The following NPAS3 variants were observed in gnomAD, a reference collection of about 807,000 sequenced individuals.
NPAS3 encodes the protein neuronal PAS domain-containing protein 3.
A neutral mutation model predicts 73.1 loss-of-function variants in NPAS3; 14 were observed. That is an observed-to-expected ratio of 0.19 (90% CI 0.13 to 0.30). NPAS3 has a LOEUF of 0.30. NPAS3 is among the 10% of genes least tolerant of loss of function. The pLI is 1.00. For missense variants in NPAS3, 1,096 were observed against 1,250.0 expected, an observed-to-expected ratio of 0.88 and a Z score of 1.86; for synonymous variants, 620 against 541.5, an observed-to-expected ratio of 1.14 and a Z score of -2.01.
At chr14:33,433,956 C>T (rs1386077203) in intron 4 of NPAS3, among the ~76,000 whole-genome samples, 2 of 152,022 alleles carry the variant, frequency 1.3e-5, no homozygotes, top group African/African-American at 2.4e-5. Flanking sequence ...TTTAGGAGGC[C>T]GAGGTGGGCG....
chr14:33,693,538 A>G (rs2060291603), intron 6 of NPAS3, among the ~76,000 whole-genome samples: 1 of 152,162 alleles, frequency 6.6e-6, no homozygotes, highest in South Asian at 2.1e-4. Flanking sequence ...AGTCAACCTT[A>G]TTGTACTAGG....
chr14:33,444,501 C>T (rs901405781), intron 4 of NPAS3, among the ~76,000 whole-genome samples: 2 of 152,150 alleles, frequency 1.3e-5, no homozygotes, highest in Non-Finnish European at 2.9e-5. Flanking sequence ...TGAATTAAGG[C>T]CAGTAACTAA....
chr14:33,313,758 G>T (rs1187598587), intron 3 of NPAS3, among the ~76,000 whole-genome samples: 1 of 152,052 alleles, frequency 6.6e-6, no homozygotes, highest in Non-Finnish European at 1.5e-5. Flanking sequence ...CTTAAGTAAT[G>T]ATTGGTTACC....
intron 9 of NPAS3, among the ~76,000 whole-genome samples, chr14:33,788,344 C>T (rs2063242926): frequency 6.6e-6 from 1 of 152,212 alleles, no homozygotes; most frequent in Non-Finnish European, 1.5e-5. Context: ...GATAATGAAG[C>T]TCTTTGTTCG....
intron 5 of NPAS3, among the ~76,000 whole-genome samples, chr14:33,643,876 T>C (rs976344065): frequency 6.6e-6 from 1 of 152,106 alleles, no homozygotes; most frequent in Non-Finnish European, 1.5e-5. Flanking sequence ...AACATGCAAA[T>C]TGGGGAGAAG....
chr14:33,194,572 T>A (rs867295793), intron 2 of NPAS3, among the ~76,000 whole-genome samples: 3 of 152,224 alleles, frequency 2.0e-5, no homozygotes, highest in African/African-American at 7.2e-5. Flanking sequence ...GTTGCCTTTT[T>A]CTTAGTATTT....
At chr14:33,182,459 C>T (rs2045830603) in intron 2 of NPAS3, among the ~76,000 whole-genome samples, 1 of 151,724 alleles carries the variant, frequency 6.6e-6, no homozygotes, top group South Asian at 2.1e-4. Context: ...TTATTTTAAC[C>T]CCTAAAACAA....
chr14:33,293,930 A>G (rs1203203912), intron 3 of NPAS3, among the ~76,000 whole-genome samples: 1 of 152,208 alleles, frequency 6.6e-6, no homozygotes, highest in Non-Finnish European at 1.5e-5. Context: ...TGGATCATTA[A>G]TGCAGCAAGA....
intron 3 of NPAS3, among the ~76,000 whole-genome samples, chr14:33,297,505 A>G (rs1483771262): frequency 6.6e-6 from 1 of 152,050 alleles, no homozygotes; most frequent in Non-Finnish European, 1.5e-5. Flanking sequence ...ATTTATTGTT[A>G]TTTTTTACTT....
chr14:33,326,566 T>C (rs980598185), intron 3 of NPAS3, among the ~76,000 whole-genome samples: 1 of 152,220 alleles, frequency 6.6e-6, no homozygotes. Flanking sequence ...AAATGGATTA[T>C]TATATGCAGA....
intron 7 of NPAS3, among the ~76,000 whole-genome samples, chr14:33,754,132 T>C (rs997426808): frequency 5.3e-5 from 8 of 151,974 alleles, no homozygotes; most frequent in African/African-American, 1.9e-4. Context: ...AGAGAAAGAA[T>C]TGGGTGAAGG....
chr14:33,133,840 G>T (rs1713521033), intron 2 of NPAS3, among the ~76,000 whole-genome samples: 1 of 152,120 alleles, frequency 6.6e-6, no homozygotes, highest in South Asian at 2.1e-4. Context: ...GAAGCCACGG[G>T]CATTCCAGAT....
intron 4 of NPAS3, among the ~76,000 whole-genome samples, chr14:33,464,703 C>A (rs1024363053): frequency 2.6e-5 from 4 of 152,154 alleles, no homozygotes; most frequent in African/African-American, 9.7e-5. Context: ...TTTCATCGGC[C>A]GTGCATGAGG....
chr14:33,122,597 C>T (rs1291087639), intron 2 of NPAS3, among the ~76,000 whole-genome samples: 1 of 152,112 alleles, frequency 6.6e-6, no homozygotes, highest in Non-Finnish European at 1.5e-5. Context: ...AACCTGTGAT[C>T]CTTACAGTTC....
chr14:33,148,010 C>A (rs1412191822), intron 2 of NPAS3, among the ~76,000 whole-genome samples: 1 of 151,878 alleles, frequency 6.6e-6, no homozygotes, highest in Non-Finnish European at 1.5e-5. Flanking sequence ...TAGCAAGAAG[C>A]AGAGTCTTCA....
At chr14:33,070,930 G>A (rs1364017169) in intron 2 of NPAS3, among the ~76,000 whole-genome samples, 2 of 152,172 alleles carry the variant, frequency 1.3e-5, no homozygotes, top group Non-Finnish European at 2.9e-5. Context: ...TTTTTATCCA[G>A]GTTCAGAAAC....
upstream of NPAS3, chr14:32,935,089 C>A (rs1424653353): frequency 4.1e-6 from 3 of 726,782 alleles, no homozygotes; most frequent in South Asian, 5.6e-5. Context: ...TTGTGTCTTA[C>A]AACACACATG....
intron 1 of NPAS3, among the ~76,000 whole-genome samples, chr14:32,998,402 G>A (rs1384283580): frequency 2.6e-5 from 4 of 152,218 alleles, no homozygotes; most frequent in African/African-American, 9.7e-5. Context: ...AGTGCTTAAT[G>A]GGTATGGGGT....
chr14:33,208,558 T>TTTTTAAACTTAGAGTTTA (rs2046915039), intron 2 of NPAS3, among the ~76,000 whole-genome samples: 1 of 152,226 alleles, frequency 6.6e-6, no homozygotes, highest in Non-Finnish European at 1.5e-5. Flanking sequence ...AAACTCTAAG[T>TTTTTAAACTTAGAGTTTA]ATACATCTTG....
Sources: gnomAD v4.1 joint callset for allele counts (sites outside exome capture counted in the v4.1 genomes callset) on GRCh38, gnomAD v4.1.1 for gene constraint, MANE v1.5 for transcripts, NCBI Gene and HGNC (gene_info 2026-07-23, HGNC 2026-07-21) for gene names.